The following TRHDE variants were observed in gnomAD, a reference collection of about 807,000 sequenced individuals.
The protein encoded by TRHDE is thyrotropin-releasing hormone-degrading ectoenzyme.
In TRHDE, 72 loss-of-function variants were observed where a neutral mutation model predicts 125.7. That is an observed-to-expected ratio of 0.57 (90% confidence interval 0.47 to 0.70). TRHDE has a LOEUF of 0.70. Ranked by LOEUF, TRHDE falls within the 30% of genes least tolerant of loss-of-function variation. TRHDE has a pLI of 0.00. For synonymous variants in TRHDE, 509 were observed against 509.1 expected (o/e 1.00, Z 0.00); for missense variants, 1,110 against 1,327.1 (o/e 0.84, Z 2.54).
intron 2 of TRHDE, among the ~76,000 whole-genome samples, chr12:72,133,030 G>A (rs1418016086): frequency 6.6e-6 from 1 of 152,190 alleles, no homozygotes. Context: ...AGGGGAAGTG[G>A]TGTAAGATGA....
intron 2 of TRHDE, among the ~76,000 whole-genome samples, chr12:72,152,696 G>A (rs1340945077): frequency 1.7e-4 from 26 of 152,244 alleles, no homozygotes; most frequent in African/African-American, 5.5e-4. Flanking sequence ...GCTGGATTAC[G>A]TTTATTGATT....
intron 2 of TRHDE, chr12:72,254,021 A>T (rs1188993576): frequency 6.6e-6 from 1 of 152,142 alleles, no homozygotes; most frequent in East Asian, 1.9e-4. Flanking sequence ...AATTCTTAAT[A>T]AAAAATAGTA....
intron 2 of TRHDE, among the ~76,000 whole-genome samples, chr12:72,314,348 C>A (rs924727383): frequency 2.8e-5 from 3 of 108,926 alleles, no homozygotes; most frequent in African/African-American, 1.0e-4. Context: ...TTCCTTCCTT[C>A]TTTTTTTTTA....
At chr12:72,301,628 A>G (rs1868261350) in intron 2 of TRHDE, among the ~76,000 whole-genome samples, 1 of 152,186 alleles carries the variant, frequency 6.6e-6, no homozygotes, top group Admixed American at 6.5e-5. Context: ...TCTTAACTAG[A>G]TTTGTGTATT....
chr12:72,619,135 T>G, intron 13 of TRHDE, 97 bp downstream of exon 13: 7 of 964,214 alleles, frequency 7.3e-6, no homozygotes, highest in Non-Finnish European at 8.5e-6. Flanking sequence ...GTTATTTTAG[T>G]TTGTTCTTCT....
intron 2 of TRHDE, among the ~76,000 whole-genome samples, chr12:72,375,750 T>C (rs1445959022): frequency 6.6e-6 from 1 of 152,160 alleles, no homozygotes. Flanking sequence ...TCTTTGAGAG[T>C]GGTGATTGTA....
At chr12:72,565,021 C>G (rs1307572780) in intron 9 of TRHDE, among the ~76,000 whole-genome samples, 1 of 141,616 alleles carries the variant, frequency 7.1e-6, no homozygotes, top group African/African-American at 3.0e-5. Flanking sequence ...GCAGGACATC[C>G]TATTAGTCTC....
At chr12:72,284,747 G>T (rs751751716) in intron 1 of TRHDE, among the ~76,000 whole-genome samples, 1 of 152,070 alleles carries the variant, frequency 6.6e-6, no homozygotes, top group Non-Finnish European at 1.5e-5. Flanking sequence ...TAATCCTACC[G>T]GATGCACTTT....
intron 2 of TRHDE, among the ~76,000 whole-genome samples, chr12:72,132,446 G>A (rs1015260481): frequency 2.0e-5 from 3 of 152,158 alleles, no homozygotes; most frequent in Non-Finnish European, 4.4e-5. Context: ...GGACATTTGG[G>A]TATAGGATTA....
chr12:72,419,984 G>A (rs1873884461), intron 3 of TRHDE, among the ~76,000 whole-genome samples: 1 of 152,014 alleles, frequency 6.6e-6, no homozygotes, highest in South Asian at 2.1e-4. Flanking sequence ...ATACAAATTA[G>A]CAAAACTGTA....
At chr12:72,445,708 C>T (rs1050265477) in intron 3 of TRHDE, among the ~76,000 whole-genome samples, 2 of 151,954 alleles carry the variant, frequency 1.3e-5, no homozygotes, top group Non-Finnish European at 2.9e-5. Context: ...TCAGACATTA[C>T]AAATGGACAA....
intron 5 of TRHDE, among the ~76,000 whole-genome samples, chr12:72,484,827 C>A (rs1877329097): frequency 6.6e-6 from 1 of 152,104 alleles, no homozygotes. Flanking sequence ...TTTTCCCCCA[C>A]AAGAAAAGTC....
chr12:72,294,709 T>C (rs1172458196), intron 2 of TRHDE, among the ~76,000 whole-genome samples: 1 of 152,032 alleles, frequency 6.6e-6, no homozygotes, highest in Non-Finnish European at 1.5e-5. Flanking sequence ...CCCGCCCCCT[T>C]CCACCCAGGA....
At chr12:72,562,317 T>A (rs1231344931) in intron 8 of TRHDE, 87 bp downstream of exon 8, 1 of 625,088 alleles carries the variant, frequency 1.6e-6, no homozygotes. Flanking sequence ...TATTGACACC[T>A]GATAGTTTGT....
At chr12:72,539,112 G>T (rs976753606) in intron 6 of TRHDE, among the ~76,000 whole-genome samples, 7 of 151,758 alleles carry the variant, frequency 4.6e-5, no homozygotes, top group Admixed American at 1.3e-4. Context: ...CATCCTCCAA[G>T]GTTCAACACA....
chr12:72,147,150 C>T (rs1030637449), intron 2 of TRHDE, among the ~76,000 whole-genome samples: 2 of 151,830 alleles, frequency 1.3e-5, no homozygotes, highest in African/African-American at 4.8e-5. Flanking sequence ...CAAAAGGCAA[C>T]TTTTTGGGCA....
intron 7 of TRHDE, among the ~76,000 whole-genome samples, chr12:72,550,476 G>A (rs1387491051): frequency 6.6e-6 from 1 of 151,518 alleles, no homozygotes; most frequent in African/African-American, 2.4e-5. Flanking sequence ...GCATGTAATA[G>A]CCTAGAACTA....
At chr12:72,192,622 G>C (rs571602319) in intron 2 of TRHDE, among the ~76,000 whole-genome samples, 2 of 152,078 alleles carry the variant, frequency 1.3e-5, no homozygotes, top group Non-Finnish European at 2.9e-5. Context: ...GAGTTAGCAA[G>C]ACCTGGATTT....
intron 10 of TRHDE, among the ~76,000 whole-genome samples, chr12:72,572,105 TA>T (rs1376460927): frequency 6.6e-6 from 1 of 152,022 alleles, no homozygotes; most frequent in Non-Finnish European, 1.5e-5. Context: ...TTATAGGTTT[TA>T]CAAAATATCC....
Sources: allele counts gnomAD v4.1 joint callset (sites outside exome capture counted in the v4.1 genomes callset), GRCh38; gene constraint gnomAD v4.1.1; transcripts MANE v1.5; gene names NCBI Gene and HGNC (gene_info 2026-07-23, HGNC 2026-07-21).